The following ADAMTS2 variants were observed in gnomAD, a reference collection of about 807,000 sequenced individuals.
ADAMTS2 encodes ADAM metallopeptidase with thrombospondin type 1 motif 2.
In ADAMTS2, 50 loss-of-function variants were observed where a neutral mutation model predicts 123.0. The observed-to-expected ratio is 0.41, with a 90% CI of 0.32 to 0.51. The LOEUF is 0.51. Ranked by LOEUF, ADAMTS2 falls within the 20% of genes least tolerant of loss-of-function variation. The probability of loss-of-function intolerance (pLI) is 0.35; values close to 1 mark genes in which losing one functional copy is unlikely to be tolerated. For synonymous variants in ADAMTS2, 678 were observed against 695.4 expected (o/e 0.98, Z 0.39); for missense variants, 1,494 against 1,705.2 (o/e 0.88, Z 2.18).
At chr5:179,201,101 T>G (rs1279338524) in intron 4 of ADAMTS2, among the ~76,000 whole-genome samples, 3 of 152,128 alleles carry the variant, frequency 2.0e-5, no homozygotes, top group Non-Finnish European at 4.4e-5. Context: ...TCAAAAGGAC[T>G]CAGTGGTGTG....
At chr5:179,131,602 T>C (rs1286982372) in intron 15 of ADAMTS2, among the ~76,000 whole-genome samples, 1 of 151,930 alleles carries the variant, frequency 6.6e-6, no homozygotes, top group Non-Finnish European at 1.5e-5. Flanking sequence ...TCCCAGAAGG[T>C]AGGGCCCAGG....
At chr5:179,284,259 G>A (rs1341595915) in intron 2 of ADAMTS2, among the ~76,000 whole-genome samples, 1 of 151,566 alleles carries the variant, frequency 6.6e-6, no homozygotes, top group Non-Finnish European at 1.5e-5. Context: ...AACCCAGGAG[G>A]CTGAGGTTGC....
chr5:179,123,634 G>A (rs554185300), intron 19 of ADAMTS2, among the ~76,000 whole-genome samples: 8 of 152,232 alleles, frequency 5.3e-5, no homozygotes, highest in Admixed American at 2.6e-4. Context: ...TTGCCATGCC[G>A]CCCAGGCTGG....
rs1310170358 is a variant in ADAMTS2, at chr5:179,307,685, A to C, written c.535-34621T>G. ...CTTCACTCAAGTGCCAGCCGTGGAG[A>C]TCTCCTCTGTGTCCTTGGCACACTT... On this transcript the variant is annotated intron_variant, in intron 2 of 21. Coordinates refer to ENST00000251582, the MANE Select transcript of ADAMTS2 (RefSeq NM_014244.5). The surrounding 1 kb of genome is among the most constrained non-coding windows in gnomAD (Gnocchi z 5.6). Among the ~76,000 whole-genome samples, 2 of 151,772 alleles carry C rather than the reference A, an allele frequency of 1.3e-5. No individual in the cohort carries two copies. Among genetic ancestry groups the C allele is most frequent in the East Asian group, 1.9e-4 (1 of 5,158 alleles).
chr5:179,288,505 G>C (rs1021440070), intron 2 of ADAMTS2, among the ~76,000 whole-genome samples: 14 of 152,240 alleles, frequency 9.2e-5, no homozygotes, highest in African/African-American at 3.4e-4. Context: ...ACACTGCCCA[G>C]CCCGTGTCCC....
chr5:179,221,040 C>T (rs1623885), intron 3 of ADAMTS2, among the ~76,000 whole-genome samples: 19,644 of 152,186 alleles, frequency 0.13, 1,598 homozygotes, highest in African/African-American at 0.22. Context: ...CACAGCAGTG[C>T]TGGGGTGCTG....
chr5:179,300,384 T>A (rs890356539), intron 2 of ADAMTS2, among the ~76,000 whole-genome samples: 1 of 152,250 alleles, frequency 6.6e-6, no homozygotes, highest in African/African-American at 2.4e-5. Flanking sequence ...ACCATATGTT[T>A]TGTATGTTCA....
chr5:179,207,454 TGCCCA>T, intron 4 of ADAMTS2, 54 bp downstream of exon 4: 2 of 1,568,126 alleles, frequency 1.3e-6, no homozygotes. Context: ...CTCTCTGGCC[TGCCCA>T]GCCCCTGGTT....
At chr5:179,240,493 C>T (rs773945152) in intron 3 of ADAMTS2, among the ~76,000 whole-genome samples, 4 of 152,010 alleles carry the variant, frequency 2.6e-5, no homozygotes, top group East Asian at 1.9e-4. Flanking sequence ...GAGCACAGGT[C>T]GGAGCAAAAG....
chr5:179,206,834 G>A (rs1387193741), intron 4 of ADAMTS2, among the ~76,000 whole-genome samples: 1 of 152,198 alleles, frequency 6.6e-6, no homozygotes, highest in Non-Finnish European at 1.5e-5. Flanking sequence ...AGGGGGAGGT[G>A]GTTCTTTAAT....
In ADAMTS2 at chr5:179,317,479, G is replaced by A. The variant is rs574459097; in HGVS notation, c.534+26288C>T. On this transcript the variant is annotated intron_variant, in intron 2 of 21. Transcript: ENST00000251582. This position sits in a 1 kb window ranked among gnomAD's most constrained non-coding sequence, Gnocchi z 4.9. Reference sequence around the variant, plus strand: ...GGGAGAGAGATGCGAGCAGGTGGGCGGAGGGTGCACTCATGAGACTTCTAT... The same window carrying A: ...GGGAGAGAGATGCGAGCAGGTGGGCAGAGGGTGCACTCATGAGACTTCTAT... Among the ~76,000 whole-genome samples, 110 of 152,218 alleles carry A rather than the reference G, an allele frequency of 7.2e-4. 1 individual carries two copies. The highest frequency in any genetic ancestry group is 1.3e-3 in the Non-Finnish European group (90 of 68,018).
intron 2 of ADAMTS2, among the ~76,000 whole-genome samples, chr5:179,299,295 T>C (rs76491872): frequency 0.77 from 59,352 of 77,306 alleles, 23,864 homozygotes; most frequent in Non-Finnish European, 0.85. Context: ...TTTGGGAGGC[T>C]GAGGCGGGCG....
intron 4 of ADAMTS2, among the ~76,000 whole-genome samples, chr5:179,204,362 C>T (rs768809283): frequency 1.3e-5 from 2 of 152,138 alleles, no homozygotes; most frequent in Non-Finnish European, 2.9e-5. Context: ...TATTTCACCG[C>T]AATTAAAATT....
At chr5:179,274,426 A>C (rs1267285283) in intron 2 of ADAMTS2, among the ~76,000 whole-genome samples, 1 of 152,244 alleles carries the variant, frequency 6.6e-6, no homozygotes. Context: ...CATTTCCAGC[A>C]CCCATCGACA....
intron 2 of ADAMTS2, among the ~76,000 whole-genome samples, chr5:179,288,632 GCCCTAGGC>G (rs1756095087): frequency 1.3e-5 from 2 of 152,246 alleles, no homozygotes; most frequent in African/African-American, 4.8e-5. Flanking sequence ...AGCCGCCAGG[GCCCTAGGC>G]CCCTCTGTGG....
Position 179,312,150 on chromosome 5 carries a change from G to A in ADAMTS2, c.534+31617C>T, listed in dbSNP as rs545129915. Among the ~76,000 whole-genome samples, 1 of 152,266 alleles carries A rather than the reference G, an allele frequency of 6.6e-6. No individual in the cohort carries two copies. The highest frequency in any genetic ancestry group is 6.5e-5 in the Admixed American group (1 of 15,286). On this transcript the variant is annotated intron_variant, in intron 2 of 21. Coordinates refer to ENST00000251582, the MANE Select transcript of ADAMTS2 (RefSeq NM_014244.5). This position sits in a 1 kb window ranked among gnomAD's most constrained non-coding sequence, Gnocchi z 4.2. ...AAGACACGTCCGGGTCCCAATCCCT[G>A]GAACCCATAAATGTTACCTTCCATG...
At chr5:179,230,272 A>G (rs1335928773) in intron 3 of ADAMTS2, among the ~76,000 whole-genome samples, 1 of 152,148 alleles carries the variant, frequency 6.6e-6, no homozygotes, top group African/African-American at 2.4e-5. Flanking sequence ...AGGATGGGCA[A>G]TGTGGGATTA....
chr5:179,296,347 G>A (rs1295349951), intron 2 of ADAMTS2, among the ~76,000 whole-genome samples: 1 of 152,142 alleles, frequency 6.6e-6, no homozygotes, highest in Non-Finnish European at 1.5e-5. Flanking sequence ...GGAGGGGGAG[G>A]TGGGTGAGCA....
rs1043090439 is a variant in ADAMTS2, at chr5:179,155,217, G to C, written c.1133-298C>G. ...AGTCAGATGTCACCTGCTATGGCTT[G>C]TCTGACACCTGACTTTCCTGCCTGC... On this transcript the variant is annotated intron_variant, in intron 6 of 21. Coordinates refer to ENST00000251582, the MANE Select transcript of ADAMTS2 (RefSeq NM_014244.5). The surrounding 1 kb of genome is among the most constrained non-coding windows in gnomAD (Gnocchi z 5.1). 6.6e-6 allele frequency among the ~76,000 whole-genome samples: 1 copy of C among 152,150 alleles called. No homozygotes were observed. The highest frequency in any genetic ancestry group is 6.5e-5 in the Admixed American group (1 of 15,298).
Sources: allele counts gnomAD v4.1 joint callset (sites outside exome capture counted in the v4.1 genomes callset), GRCh38; gene constraint gnomAD v4.1.1; non-coding constraint Gnocchi (gnomAD v3.1); transcripts MANE v1.5; gene names NCBI Gene and HGNC (gene_info 2026-07-23, HGNC 2026-07-21).